The following NR1I2 variants were observed in gnomAD, a reference collection of about 807,000 sequenced individuals.
NR1I2 encodes nuclear receptor subfamily 1 group I member 2.
NR1I2 carries 42 observed loss-of-function variants against 43.3 expected under a neutral mutation model. That is an observed-to-expected ratio of 0.97 (90% CI 0.76 to 1.26). The LOEUF (loss-of-function observed/expected upper bound fraction) is 1.26, where lower values mean the gene tolerates loss of function less well. NR1I2 is among the 50% of genes most tolerant of loss of function. The probability of loss-of-function intolerance (pLI) is 0.00; values close to 1 mark genes in which losing one functional copy is unlikely to be tolerated. For synonymous variants in NR1I2, 229 were observed against 215.0 expected, an observed-to-expected ratio of 1.06 and a Z score of -0.57; for missense variants, 559 against 566.7, an observed-to-expected ratio of 0.99 and a Z score of 0.14.
chr3:119,792,547 C>G, intron 1 of NR1I2: 2 of 968,884 alleles, frequency 2.1e-6, no homozygotes, highest in Non-Finnish European at 3.2e-6. Flanking sequence ...TCCAGCTGCC[C>G]CAGTGAGGGC....
intron 2 of NR1I2, among the ~76,000 whole-genome samples, chr3:119,809,302 C>A (rs1371936083): frequency 6.6e-6 from 1 of 152,036 alleles, no homozygotes; most frequent in Non-Finnish European, 1.5e-5. Flanking sequence ...GTACCAGAGT[C>A]TCCAAAAGGC....
chr3:119,814,147 G>A (rs1363269034), intron 5 of NR1I2, among the ~76,000 whole-genome samples: 2 of 152,144 alleles, frequency 1.3e-5, no homozygotes, highest in Admixed American at 6.5e-5. Context: ...GTAGCACAGG[G>A]TCTGAATTCC....
At chr3:119,809,220 T>G (rs908625417) in intron 2 of NR1I2, among the ~76,000 whole-genome samples, 3 of 152,016 alleles carry the variant, frequency 2.0e-5, no homozygotes, top group Non-Finnish European at 4.4e-5. Context: ...ATGGGGAAAG[T>G]AAAGGTAGGA....
In NR1I2 at chr3:119,807,307, C is replaced by G. The variant is rs1237061529; in HGVS notation, c.57C>G (p.Asp19Glu). 1 of 1,614,116 alleles carries G rather than the reference C, an allele frequency of 6.2e-7. No individual in the cohort carries two copies. Among genetic ancestry groups the G allele is most frequent in the African/African-American group, 1.3e-5 (1 of 74,942 alleles). ...ATGCTGACTTTGTACACTGTGAGGA[C>G]ACAGAGTCTGTTCCTGGAAAGCCCA... Residue 19 changes from aspartate to glutamate, a missense_variant, in exon 2 of 9, where the codon GAC becomes GAG. This residue lies in a region of NR1I2 where 232 missense variants were observed against 236.6 expected (regional missense o/e 0.98). Coordinates refer to ENST00000393716, the MANE Select transcript of NR1I2 (RefSeq NM_003889.4).
Position 119,817,624 on chromosome 3 carries a change from T to C in NR1I2, c.*412T>C. On this transcript the variant is annotated 3_prime_UTR_variant, in exon 9 of 9. Transcript: ENST00000393716. ...TGCCCACATACCCACGTTTGTTCGC[T>C]TCCTGAGTCTTTTCATTGCTACCTC... 8.7e-7 allele frequency: 1 copy of C among 1,144,870 alleles called. No individual in the cohort carries two copies. Among genetic ancestry groups the C allele is most frequent in the Non-Finnish European group, 1.1e-6 (1 of 920,352 alleles). 70.9% of individuals were successfully genotyped at this position (1,144,870 alleles called of 1,614,324 possible).
intron 1 of NR1I2, among the ~76,000 whole-genome samples, chr3:119,787,511 A>G (rs2054857433): frequency 6.6e-6 from 1 of 152,198 alleles, no homozygotes; most frequent in Non-Finnish European, 1.5e-5. Context: ...AATGTGAGTT[A>G]AATTCACCAA....
In NR1I2 at chr3:119,807,349, G is replaced by A. The variant is rs2055176306; in HGVS notation, c.99G>A (p.Glu33=). The A allele has an allele frequency of 6.2e-7, 1 of 1,614,236 alleles. No individual in the cohort carries two copies. Among genetic ancestry groups the A allele is most frequent in the Non-Finnish European group, 8.5e-7 (1 of 1,180,038 alleles). Reference sequence around the variant, plus strand: ...GAAAGCCCAGTGTCAACGCAGATGAGGAAGTCGGAGGTCCCCAAATCTGCC... The same window carrying A: ...GAAAGCCCAGTGTCAACGCAGATGAAGAAGTCGGAGGTCCCCAAATCTGCC... The change falls in exon 2 of 9, where the codon GAG becomes GAA. Residue 33 remains glutamate, a synonymous_variant. Coordinates refer to ENST00000393716, the MANE Select transcript of NR1I2 (RefSeq NM_003889.4).
At chr3:119,814,347 G>A (rs1025341968) in intron 5 of NR1I2, among the ~76,000 whole-genome samples, 4 of 152,180 alleles carry the variant, frequency 2.6e-5, no homozygotes, top group Admixed American at 6.5e-5. Context: ...TTGTTAAGCC[G>A]CCTCCATGGT....
chr3:119,806,288 T>G (rs2055159625), intron 1 of NR1I2, among the ~76,000 whole-genome samples: 1 of 152,086 alleles, frequency 6.6e-6, no homozygotes, highest in Non-Finnish European at 1.5e-5. Flanking sequence ...AGCTCAATTT[T>G]TTTTCTTTCT....
chr3:119,806,168 G>A (rs2055157788), intron 1 of NR1I2, among the ~76,000 whole-genome samples: 1 of 152,218 alleles, frequency 6.6e-6, no homozygotes, highest in Admixed American at 6.5e-5. Flanking sequence ...GGGGATGGTA[G>A]TAACAGGACA....
intron 1 of NR1I2, among the ~76,000 whole-genome samples, chr3:119,805,640 T>C (rs576113314): frequency 3.3e-4 from 50 of 150,932 alleles, no homozygotes; most frequent in Admixed American, 7.9e-4. Context: ...GAGGCAGAGG[T>C]TGCAGTGAAC....
intron 2 of NR1I2, among the ~76,000 whole-genome samples, 163 bp from the exon 3 acceptor site, chr3:119,809,881 GACCTCTAGGGACTCCCA>G (rs1230536279): frequency 1.3e-5 from 2 of 152,128 alleles, no homozygotes; most frequent in Non-Finnish European, 2.9e-5. Context: ...CTGAGTCCTG[GACCTCTAGGGACTCCCA>G]CCTACACCCT....
intron 1 of NR1I2, chr3:119,802,814 G>T (rs1317086004): frequency 2.2e-6 from 1 of 452,338 alleles, no homozygotes; most frequent in Non-Finnish European, 4.4e-6. Flanking sequence ...GAATATATCT[G>T]GTGTGTAGTA....
chr3:119,815,877 G>A (rs763067484), intron 8 of NR1I2, 46 bp downstream of exon 8: 1 of 1,499,768 alleles, frequency 6.7e-7, no homozygotes, highest in Admixed American at 1.9e-5. Flanking sequence ...ATGTGAGGGA[G>A]CCGAGGTTCA....
intron 1 of NR1I2, among the ~76,000 whole-genome samples, chr3:119,797,743 C>T (rs2055021165): frequency 6.6e-6 from 1 of 152,166 alleles, no homozygotes; most frequent in Non-Finnish European, 1.5e-5. Context: ...TTCCATGCTC[C>T]CCACTGGCTT....
At chr3:119,803,754 C>T (rs1318517901) in intron 1 of NR1I2, among the ~76,000 whole-genome samples, 3 of 151,272 alleles carry the variant, frequency 2.0e-5, no homozygotes, top group Non-Finnish European at 4.4e-5. Context: ...CCATCTTTCT[C>T]AGTGTACTTT....
intron 1 of NR1I2, chr3:119,792,535 C>G: frequency 1.0e-6 from 1 of 988,646 alleles, no homozygotes; most frequent in Non-Finnish European, 1.6e-6. Context: ...AGTCCGTGCT[C>G]CTCCAGCTGC....
chr3:119,818,113 T>A lies in NR1I2; in HGVS notation c.*901T>A, dbSNP rs959038041. On this transcript the variant is annotated 3_prime_UTR_variant, in exon 9 of 9. Transcript: ENST00000393716. ...AGTCTGTAGGAGCAAGGGCACAAAC[T>A]GCAGCTGTGAGTGCGTGTGTGTGAT... 3 of 985,546 alleles carry A rather than the reference T, an allele frequency of 3.0e-6. No homozygotes were observed. Among genetic ancestry groups the A allele is most frequent in the Admixed American group, 6.1e-5 (1 of 16,262 alleles). 61.1% of individuals were successfully genotyped at this position (985,546 alleles called of 1,614,324 possible).
Position 119,812,912 on chromosome 3 carries a change from A to T in NR1I2, c.746A>T (p.Tyr249Phe). The T allele has an allele frequency of 1.9e-6, 3 of 1,614,082 alleles. No homozygotes were observed. The South Asian group carries it at 3.3e-5, about 18-fold the overall frequency. ...CCCCACATGGCTGACATGTCAACCT[A>T]CATGTTCAAAGGCATCATCAGCTTT... The change falls in exon 5 of 9, where the codon TAC becomes TTC. Residue 249 changes from tyrosine (Y) to phenylalanine (F), a missense_variant. Physicochemically the swap from Tyr to Phe is conservative, Grantham distance 22 (BLOSUM62 3). This residue lies in a region of NR1I2 where 323 missense variants were observed against 312.2 expected (regional missense o/e 1.03). Coordinates refer to ENST00000393716, the MANE Select transcript of NR1I2 (RefSeq NM_003889.4).
Sources: gnomAD v4.1 joint callset for allele counts (sites outside exome capture counted in the v4.1 genomes callset) on GRCh38, gnomAD v4.1.1 for gene constraint, gnomAD v4.1.1 regional missense constraint, MANE v1.5 for transcripts, NCBI Gene and HGNC (gene_info 2026-07-23, HGNC 2026-07-21) for gene names.